Variants in ANK3 observed in about 807,000 individuals in gnomAD.
ANK3 encodes ankyrin 3.
Under a neutral mutation model 370.9 loss-of-function variants are expected in ANK3, and 57 were observed. The ratio of observed to expected loss-of-function variants is 0.15; its 90% CI spans 0.12 to 0.19. The LOEUF (loss-of-function observed/expected upper bound fraction) is 0.19. Among genes scored for constraint, ANK3 ranks in the 10% least tolerant of loss-of-function variants. The pLI is 1.00. For missense variants in ANK3, 4,439 were observed against 5,302.1 expected (o/e 0.84, Z 5.06); for synonymous variants, 1,929 against 1,946.3 (o/e 0.99, Z 0.23).
intron 2 of ANK3, among the ~76,000 whole-genome samples, chr10:60,516,075 C>G (rs1345618615): frequency 6.6e-6 from 1 of 151,836 alleles, no homozygotes; most frequent in Non-Finnish European, 1.5e-5. Context: ...GAATTGTGAT[C>G]CCTATTTATA....
chr10:60,321,071 A>T (rs1169439299), intron 1 of ANK3, among the ~76,000 whole-genome samples: 1 of 152,214 alleles, frequency 6.6e-6, no homozygotes, highest in Admixed American at 6.5e-5. Flanking sequence ...GGAAGGTGTT[A>T]TACAAACATA....
At chr10:60,120,841 G>A (rs1289912615) in intron 25 of ANK3, among the ~76,000 whole-genome samples, 1 of 152,122 alleles carries the variant, frequency 6.6e-6, no homozygotes, top group East Asian at 1.9e-4. Context: ...CCAGGATTTG[G>A]AGAAAAGGGA....
chr10:60,062,770 G>T, intron 40 of ANK3: 1 of 167,470 alleles, frequency 6.0e-6, no homozygotes, highest in Non-Finnish European at 1.3e-5. Context: ...GAATAAAAGA[G>T]GTAACTAGTT....
chr10:60,051,145 G>C (rs1017047077), intron 42 of ANK3, among the ~76,000 whole-genome samples: 1 of 152,074 alleles, frequency 6.6e-6, no homozygotes, highest in Non-Finnish European at 1.5e-5. Context: ...CATTTCATTT[G>C]ATATGAACTA....
chr10:60,580,764 T>C (rs1229463856), intron 2 of ANK3, among the ~76,000 whole-genome samples: 3 of 152,158 alleles, frequency 2.0e-5, no homozygotes, highest in Non-Finnish European at 2.9e-5. Context: ...AAACTGAAAA[T>C]GTCCCCAAAT....
chr10:60,322,644 TTG>T (rs1364928276), intron 1 of ANK3, among the ~76,000 whole-genome samples: 2 of 152,200 alleles, frequency 1.3e-5, no homozygotes, highest in Non-Finnish European at 2.9e-5. Context: ...GCAGATTTTT[TTG>T]TGTGTTTAAT....
At chr10:60,619,473 G>C (rs1053987974) in intron 1 of ANK3, among the ~76,000 whole-genome samples, 5 of 152,144 alleles carry the variant, frequency 3.3e-5, no homozygotes, top group Admixed American at 1.3e-4. Context: ...AATTTAAATA[G>C]AAAATATCTC....
intron 2 of ANK3, among the ~76,000 whole-genome samples, chr10:60,500,991 C>T (rs990673454): frequency 6.6e-6 from 1 of 152,126 alleles, no homozygotes; most frequent in Non-Finnish European, 1.5e-5. Flanking sequence ...AATATTCTGC[C>T]TTCCAAGTCC....
At position 60,027,155 on chromosome 10, in the gene ANK3, T is replaced by C. The variant is rs1200106178; in HGVS notation, c.*2691A>G. 1 of 152,108 alleles carries C rather than the reference T, an allele frequency of 6.6e-6. No individual in the cohort carries two copies. The highest frequency in any genetic ancestry group is 1.5e-5 in the Non-Finnish European group (1 of 68,024). The allele number at this position is 152,108 out of a possible 1,614,324, so 9.4% of individuals were successfully genotyped here. On this transcript the variant is annotated 3_prime_UTR_variant, in exon 44 of 44. Transcript: ENST00000280772. ...CAACTATTTAATACCTAAACAGGTA[T>C]ACATCATTGAGTTTCTGGTTCAGGA...
Position 60,072,725 on chromosome 10 carries a change from C to G in ANK3, c.8156G>C (p.Arg2719Thr), listed in dbSNP as rs202192255. The G allele has an allele frequency of 3.7e-6, 6 of 1,613,996 alleles. No homozygotes were observed. The highest frequency in any genetic ancestry group is 5.1e-6 in the Non-Finnish European group (6 of 1,179,982). ...GTGTGTGCCTTGTTCAAATTTTAATCTAATGGAACTGAGTTTAGATTGTTT... is the reference window on the plus strand; with the variant it reads ...GTGTGTGCCTTGTTCAAATTTTAATGTAATGGAACTGAGTTTAGATTGTTT... The part of the protein sequence containing the change: ...QLKQSKLSSI[R>T]LKFEQGTHAK... Residue 2719 changes from arginine to threonine, a missense_variant, in exon 37 of 44, where the codon AGA (arginine) becomes ACA (threonine). Transcript: ENST00000280772.
chr10:60,254,067 T>G (rs1408493516), intron 7 of ANK3, among the ~76,000 whole-genome samples: 1 of 152,118 alleles, frequency 6.6e-6, no homozygotes, highest in Non-Finnish European at 1.5e-5. Context: ...GATGCTCAAG[T>G]CCCTTATATA....
chr10:60,264,901 C>T (rs1004896989), intron 5 of ANK3, among the ~76,000 whole-genome samples: 2 of 151,982 alleles, frequency 1.3e-5, no homozygotes, highest in Admixed American at 6.6e-5. Flanking sequence ...GCTTCTGTGA[C>T]CATTGAGAGA....
chr10:60,181,252 T>C, intron 18 of ANK3, 77 bp downstream of exon 18: 1 of 1,233,708 alleles, frequency 8.1e-7, no homozygotes, highest in East Asian at 2.3e-5. Flanking sequence ...GTTCTCCTGA[T>C]ACAATTATAG....
intron 2 of ANK3, among the ~76,000 whole-genome samples, chr10:60,554,136 T>C (rs1051529485): frequency 6.6e-5 from 10 of 152,206 alleles, no homozygotes; most frequent in Non-Finnish European, 1.3e-4. Context: ...CTTTCTCCCC[T>C]TTTTCGGATA....
At chr10:60,056,063 A>T in intron 41 of ANK3, 27 bp from the exon 42 acceptor site, 1 of 1,577,602 alleles carries the variant, frequency 6.3e-7, no homozygotes, top group South Asian at 1.2e-5. Context: ...GCAAATTCAC[A>T]ATGGCAAACT....
chr10:60,680,121 T>C (rs56043806), intron 1 of ANK3, among the ~76,000 whole-genome samples: 8,157 of 117,426 alleles, frequency 0.069, 340 homozygotes, highest in Middle Eastern at 0.14. Context: ...GGAGACATAG[T>C]GAGGCTCTGT....
intron 2 of ANK3, among the ~76,000 whole-genome samples, chr10:60,542,183 C>A (rs2076863828): frequency 6.6e-6 from 1 of 151,652 alleles, no homozygotes; most frequent in Admixed American, 6.6e-5. Flanking sequence ...ATTTTGGACT[C>A]ATTTGATGGT....
At chr10:60,278,973 C>T (rs1269835529) in intron 3 of ANK3, 77 bp downstream of exon 3, 3 of 1,551,878 alleles carry the variant, frequency 1.9e-6, no homozygotes, top group Non-Finnish European at 1.8e-6. Context: ...GAGATATGTG[C>T]CCCCATTCTT....
Position 60,070,036 on chromosome 10 carries a change from A to C in ANK3, c.10845T>G (p.Gly3615=), listed in dbSNP as rs746119036. The C allele has an allele frequency of 1.9e-6, 3 of 1,614,078 alleles. No homozygotes were observed. The highest frequency in any genetic ancestry group is 2.5e-6 in the Non-Finnish European group (3 of 1,180,004). ...AATCCCTCTTGCTCATGTCAATTGCACCACTGCGAGTCATCTCAAACATTT... is the reference window on the plus strand; with the variant it reads ...AATCCCTCTTGCTCATGTCAATTGCCCCACTGCGAGTCATCTCAAACATTT... ...EGKMFEMTRS[G]AIDMSKRDFV... Residue 3615 remains glycine, a synonymous_variant, in exon 37 of 44, where the codon GGT becomes GGG. Coordinates refer to ENST00000280772, the MANE Select transcript of ANK3 (RefSeq NM_020987.5). This position sits in a 1 kb window ranked among gnomAD's most constrained non-coding sequence, Gnocchi z 5.7.
Sources: allele counts gnomAD v4.1 joint callset (sites outside exome capture counted in the v4.1 genomes callset), GRCh38; gene constraint gnomAD v4.1.1; non-coding constraint Gnocchi (gnomAD v3.1); transcripts MANE v1.5; gene names NCBI Gene and HGNC (gene_info 2026-07-23, HGNC 2026-07-21).